Variants in GMDS observed in about 807,000 individuals in gnomAD.
The protein encoded by GMDS is GDP-mannose 4,6-dehydratase.
In GMDS, 20 loss-of-function variants were observed where a neutral mutation model predicts 49.9. The observed-to-expected ratio is 0.40, with a 90% CI of 0.28 to 0.58. The LOEUF (loss-of-function observed/expected upper bound fraction) is 0.58. Among genes scored for constraint, GMDS ranks in the 20% least tolerant of loss-of-function variants. The pLI is 0.42. For synonymous variants in GMDS, 177 were observed against 178.6 expected (o/e 0.99, Z 0.07); for missense variants, 362 against 481.4 (o/e 0.75, Z 2.32).
intron 7 of GMDS, among the ~76,000 whole-genome samples, chr6:1,883,884 T>C (rs941817916): frequency 2.0e-5 from 3 of 152,220 alleles, no homozygotes; most frequent in African/African-American, 7.2e-5. Context: ...AAACACATTA[T>C]TACACATTTA....
At chr6:1,739,395 C>T (rs1171391366) in intron 8 of GMDS, among the ~76,000 whole-genome samples, 4 of 152,216 alleles carry the variant, frequency 2.6e-5, no homozygotes, top group South Asian at 2.1e-4. Context: ...CCCTGCGTGC[C>T]GCGGTGAGCA....
At chr6:2,185,417 C>A (rs1778735967) in intron 1 of GMDS, among the ~76,000 whole-genome samples, 1 of 152,164 alleles carries the variant, frequency 6.6e-6, no homozygotes, top group Non-Finnish European at 1.5e-5. Flanking sequence ...GTATTGTACA[C>A]CAACCAAATA....
intron 4 of GMDS, among the ~76,000 whole-genome samples, chr6:2,074,953 T>C (rs1039243737): frequency 6.6e-6 from 1 of 152,216 alleles, no homozygotes; most frequent in South Asian, 2.1e-4. Context: ...TCAGTTGTTA[T>C]AAGTATGTAG....
At chr6:2,038,383 C>G (rs542265027) in intron 4 of GMDS, among the ~76,000 whole-genome samples, 1 of 152,136 alleles carries the variant, frequency 6.6e-6, no homozygotes, top group Non-Finnish European at 1.5e-5. Context: ...CCAGAAAAGC[C>G]GCGCTCAAGA....
intron 4 of GMDS, among the ~76,000 whole-genome samples, chr6:1,961,252 C>T (rs1763927236): frequency 6.6e-6 from 1 of 152,110 alleles, no homozygotes; most frequent in Non-Finnish European, 1.5e-5. Flanking sequence ...TATTATAGGG[C>T]AAACCCTATT....
At chr6:1,845,549 A>T (rs1757359468) in intron 7 of GMDS, among the ~76,000 whole-genome samples, 2 of 152,208 alleles carry the variant, frequency 1.3e-5, no homozygotes, top group Non-Finnish European at 2.9e-5. Flanking sequence ...CTACTACTTT[A>T]AATTCTTCAC....
chr6:2,222,424 C>T (rs758138413), intron 1 of GMDS, among the ~76,000 whole-genome samples: 5 of 152,156 alleles, frequency 3.3e-5, no homozygotes, highest in African/African-American at 1.2e-4. Flanking sequence ...ACCCTTTGGC[C>T]CAAATGTCTC....
In GMDS at chr6:1,624,700, T is replaced by TCGGCGC. The variant is rs1257645117; in HGVS notation, c.988-166_988-161dup. 23 of 616,826 alleles carry TCGGCGC rather than the reference T, an allele frequency of 3.7e-5. No homozygotes were observed. In the East Asian group the frequency reaches 5.5e-4, roughly 15 times the overall value. 38.2% of individuals were successfully genotyped at this position (616,826 alleles called of 1,614,324 possible). ...TGCTGTGCGCGTTCAGTTGCGGCTC[T>TCGGCGC]CGGCGCCGTAAATCACTAGGTCGCG... On this transcript the variant is annotated intron_variant, in intron 9 of 10. Coordinates refer to ENST00000380815, the MANE Select transcript of GMDS (RefSeq NM_001500.4).
At chr6:1,940,423 G>A (rs1470049566) in intron 6 of GMDS, among the ~76,000 whole-genome samples, 1 of 152,206 alleles carries the variant, frequency 6.6e-6, no homozygotes, top group Non-Finnish European at 1.5e-5. Context: ...TTGGGGCCCT[G>A]CATTTTTCCC....
At position 1,766,565 on chromosome 6, in the gene GMDS, G is replaced by A. The variant is rs888629435; in HGVS notation, c.772-23979C>T. ...GTGATTTCTCTCTTGTGTATGGCTC[G>A]GGAGGAGGGTCTAAGGTGGGCCTCG... is the stretch of plus-strand genomic sequence containing the variant. On this transcript the variant is annotated intron_variant, in intron 7 of 10. Transcript: ENST00000380815. This position sits in a 1 kb window ranked among gnomAD's most constrained non-coding sequence, Gnocchi z 4.5. Among the ~76,000 whole-genome samples the A allele has an allele frequency of 6.6e-6, 1 of 152,104 alleles. No homozygotes were observed. Among genetic ancestry groups the A allele is most frequent in the Non-Finnish European group, 1.5e-5 (1 of 68,028 alleles).
chr6:1,829,443 T>C (rs1162644283), intron 7 of GMDS, among the ~76,000 whole-genome samples: 1 of 152,210 alleles, frequency 6.6e-6, no homozygotes, highest in Non-Finnish European at 1.5e-5. Context: ...TTTTGTTTGT[T>C]TTGTTTCTGG....
intron 7 of GMDS, among the ~76,000 whole-genome samples, chr6:1,756,901 G>C (rs542510276): frequency 3.3e-5 from 5 of 152,168 alleles, no homozygotes; most frequent in Non-Finnish European, 1.5e-5. Context: ...TCCTCCGCAC[G>C]CATTGGCGAC....
chr6:1,711,700 T>A (rs139315228), intron 9 of GMDS, among the ~76,000 whole-genome samples: 1 of 152,346 alleles, frequency 6.6e-6, no homozygotes, highest in Non-Finnish European at 1.5e-5. Flanking sequence ...TATCAGCCTG[T>A]CTTTGCCTCT....
intron 1 of GMDS, among the ~76,000 whole-genome samples, chr6:2,165,215 T>C (rs571181398): frequency 1.3e-5 from 2 of 152,238 alleles, no homozygotes; most frequent in East Asian, 3.9e-4. Context: ...TCTCCAGAAA[T>C]AGGACCAATA....
At chr6:2,164,114 C>T (rs983182152) in intron 1 of GMDS, among the ~76,000 whole-genome samples, 12 of 152,288 alleles carry the variant, frequency 7.9e-5, no homozygotes, top group Admixed American at 3.3e-4. Context: ...GCCAACCCAA[C>T]GTACTATTAG....
intron 9 of GMDS, among the ~76,000 whole-genome samples, chr6:1,718,816 T>C (rs1766266722): frequency 6.6e-6 from 1 of 150,758 alleles, no homozygotes; most frequent in Non-Finnish European, 1.5e-5. Context: ...TATATACTGA[T>C]ATATATCTGA....
chr6:2,207,682 A>G (rs1433875687), intron 1 of GMDS, among the ~76,000 whole-genome samples: 1 of 151,984 alleles, frequency 6.6e-6, no homozygotes, highest in Non-Finnish European at 1.5e-5. Flanking sequence ...TGAAGGAATG[A>G]ATACTACCCC....
chr6:2,222,973 C>T (rs1456326559), intron 1 of GMDS, among the ~76,000 whole-genome samples: 1 of 152,094 alleles, frequency 6.6e-6, no homozygotes, highest in African/African-American at 2.4e-5. Flanking sequence ...ACTAATTCTG[C>T]CTCCAAGCGG....
rs530698423 is a variant in GMDS at position 2,008,265 on chromosome 6, C to T, written c.346-47299G>A. ...TTCAGTAGGAAAGCATTTTTAACATCGTTTTAAATGTAAAATTTCTTGTTA... is the reference window on the plus strand; with the variant it reads ...TTCAGTAGGAAAGCATTTTTAACATTGTTTTAAATGTAAAATTTCTTGTTA... On this transcript the variant is annotated intron_variant, in intron 4 of 10. Coordinates refer to ENST00000380815, the MANE Select transcript of GMDS (RefSeq NM_001500.4). 2.6e-5 allele frequency among the ~76,000 whole-genome samples: 4 copies of T among 152,222 alleles called. No homozygotes were observed. In the East Asian group the frequency reaches 7.7e-4, roughly 29 times the overall value.
Sources: allele counts gnomAD v4.1 joint callset (sites outside exome capture counted in the v4.1 genomes callset), GRCh38; gene constraint gnomAD v4.1.1; non-coding constraint Gnocchi (gnomAD v3.1); transcripts MANE v1.5; gene names NCBI Gene and HGNC (gene_info 2026-07-23, HGNC 2026-07-21).